The following SCN8A variants were observed in gnomAD, a reference collection of about 807,000 sequenced individuals.
SCN8A encodes sodium channel protein type 8 subunit alpha.
In SCN8A, 30 loss-of-function variants were observed where a neutral mutation model predicts 184.1. The ratio of observed to expected loss-of-function variants is 0.16; its 90% confidence interval spans 0.12 to 0.22. The LOEUF (loss-of-function observed/expected upper bound fraction) is 0.22, where lower values mean the gene tolerates loss of function less well. Among genes scored for constraint, SCN8A ranks in the 10% least tolerant of loss-of-function variants. The pLI is 1.00. For synonymous variants in SCN8A, 852 were observed against 907.0 expected (o/e 0.94, Z 1.09); for missense variants, 1,057 against 2,498.9 (o/e 0.42, Z 12.30).
rs534236747 is a variant in SCN8A at position 51,754,579 on chromosome 12, A to G, written c.2370+2986A>G. ...GGGTCTAATTCTCAGGCCCTATTCA[A>G]GTTTTGCCAGTGATCCCAGTGGTAT... On this transcript the variant is annotated intron_variant, in intron 14 of 26. Transcript: ENST00000627620. Among the ~76,000 whole-genome samples the G allele has an allele frequency of 8.5e-5, 13 of 152,284 alleles. No homozygotes were observed. The South Asian group carries it at 2.5e-3, about 29-fold the overall frequency.
chr12:51,784,282 G>A (rs1466042582), intron 21 of SCN8A, among the ~76,000 whole-genome samples: 1 of 152,188 alleles, frequency 6.6e-6, no homozygotes, highest in African/African-American at 2.4e-5. Context: ...GGCTGGGCAT[G>A]GTGTCTTATG....
rs151032231 is a variant in SCN8A, at chr12:51,705,278, A to G, written c.1135-139A>G. 93 of 683,280 alleles carry G rather than the reference A, an allele frequency of 1.4e-4. No individual in the cohort carries two copies. The East Asian group carries it at 2.3e-3, about 17-fold the overall frequency. 42.3% of individuals were successfully genotyped at this position (683,280 alleles called of 1,614,324 possible). The stretch of plus-strand genomic sequence containing the variant: ...CCATTGGGAGTACCAAGTGCCCACA[A>G]TAGGAAGGAGTACTGCACAAGGAAA... On this transcript the variant is annotated intron_variant, in intron 9 of 26. Coordinates refer to ENST00000627620, the MANE Select transcript of SCN8A (RefSeq NM_001330260.2).
intron 1 of SCN8A, among the ~76,000 whole-genome samples, chr12:51,620,994 C>T (rs1404084700): frequency 1.3e-5 from 2 of 151,860 alleles, no homozygotes; most frequent in African/African-American, 2.4e-5. Context: ...CTCAAAAAAA[C>T]GTGGGGCCTC....
At chr12:51,684,003 G>T (rs952206419) in intron 2 of SCN8A, among the ~76,000 whole-genome samples, 171 bp from the exon 3 acceptor site, 13 of 152,198 alleles carry the variant, frequency 8.5e-5, no homozygotes, top group Admixed American at 3.9e-4. Flanking sequence ...CAGGGCAGAG[G>T]GAGGGAGGTG....
chr12:51,606,825 GTATTTTATTT>G (rs56405324), intron 1 of SCN8A, among the ~76,000 whole-genome samples: 14,744 of 149,974 alleles, frequency 0.098, 877 homozygotes, highest in South Asian at 0.23. Flanking sequence ...ATATTCCTAA[GTATTTTATTT>G]TATTTTATTT....
chr12:51,722,045 C>A, intron 12 of SCN8A, 137 bp downstream of exon 12: 1 of 1,415,524 alleles, frequency 7.1e-7, no homozygotes, highest in East Asian at 2.3e-5. Flanking sequence ...TGTCTGGACC[C>A]CACTCCTGTT....
Position 51,701,157 on chromosome 12 carries a change from A to G in SCN8A, c.942A>G (p.Thr314=). 15 of 1,612,880 alleles carry G rather than the reference A, an allele frequency of 9.3e-6. No homozygotes were observed. Among genetic ancestry groups the G allele is most frequent in the Non-Finnish European group, 1.2e-5 (14 of 1,179,200 alleles). The part of the protein sequence containing the change: ...EYINNKTNFY[T]VPGMLEPLLC... ...AAACTTTTCTAGCAAATTTCTACAC[A>G]GTTCCTGGCATGCTGGAACCTTTAC... Residue 314 remains threonine (T), a synonymous_variant, in exon 8 of 27, where the codon ACA becomes ACG. Transcript: ENST00000627620.
At chr12:51,715,230 G>A (rs182294525) in intron 11 of SCN8A, among the ~76,000 whole-genome samples, 187 of 152,218 alleles carry the variant, frequency 1.2e-3, no homozygotes, top group Admixed American at 1.8e-3. Flanking sequence ...CTCATATTAT[G>A]TATTATCTTA....
chr12:51,706,772 A>ATG (rs1479852646), intron 11 of SCN8A, 57 bp downstream of exon 11: 1 of 1,191,652 alleles, frequency 8.4e-7, no homozygotes, highest in Admixed American at 2.9e-5. Flanking sequence ...TTAAGGTAAA[A>ATG]TGTGTATATG....
intron 1 of SCN8A, among the ~76,000 whole-genome samples, chr12:51,601,199 A>T (rs1414537649): frequency 1.3e-5 from 2 of 152,212 alleles, no homozygotes; most frequent in African/African-American, 4.8e-5. Context: ...AATGATGGCA[A>T]TCTGTTTTAT....
At chr12:51,664,485 G>C (rs942097984) in intron 2 of SCN8A, among the ~76,000 whole-genome samples, 9 of 152,028 alleles carry the variant, frequency 5.9e-5, no homozygotes, top group African/African-American at 2.2e-4. Flanking sequence ...TGGGATTACA[G>C]GTGTGAGCCA....
At chr12:51,750,658 A>G (rs1233006674) in intron 13 of SCN8A, among the ~76,000 whole-genome samples, 1 of 152,108 alleles carries the variant, frequency 6.6e-6, no homozygotes, top group Non-Finnish European at 1.5e-5. Flanking sequence ...ATAATAGCAA[A>G]CACTTCCATG....
At chr12:51,689,397 A>G in intron 6 of SCN8A, 1 of 297,116 alleles carries the variant, frequency 3.4e-6, no homozygotes, top group Non-Finnish European at 6.3e-6. Flanking sequence ...TTGTATATAA[A>G]TCATTTGCTT....
chr12:51,797,872 G>C (rs1199968900), intron 26 of SCN8A, among the ~76,000 whole-genome samples: 2 of 152,138 alleles, frequency 1.3e-5, no homozygotes, highest in African/African-American at 2.4e-5. Context: ...GTGTCTCCTA[G>C]TGACAGCATT....
chr12:51,803,915 A>C (rs537351846), intron 26 of SCN8A, among the ~76,000 whole-genome samples: 7 of 152,338 alleles, frequency 4.6e-5, no homozygotes, highest in African/African-American at 1.7e-4. Flanking sequence ...AAAAGCTAAG[A>C]TTCTTCAAAG....
At chr12:51,761,468 A>G (rs1942761402) in intron 14 of SCN8A, among the ~76,000 whole-genome samples, 1 of 144,952 alleles carries the variant, frequency 6.9e-6, no homozygotes, top group South Asian at 2.2e-4. Context: ...TTTATTTATT[A>G]TTATTTATTT....
At chr12:51,650,587 C>A (rs1471185683) in intron 1 of SCN8A, among the ~76,000 whole-genome samples, 1 of 146,582 alleles carries the variant, frequency 6.8e-6, no homozygotes, top group East Asian at 2.0e-4. Flanking sequence ...TTGTTGGGAG[C>A]AGGCCCCCCA....
intron 15 of SCN8A, among the ~76,000 whole-genome samples, chr12:51,764,584 G>A (rs984079044): frequency 4.6e-5 from 7 of 152,006 alleles, no homozygotes; most frequent in African/African-American, 1.5e-4. Context: ...GTAGTGAGCC[G>A]AGATCACGTT....
intron 1 of SCN8A, among the ~76,000 whole-genome samples, chr12:51,634,225 T>C (rs1395892707): frequency 1.3e-5 from 2 of 152,206 alleles, no homozygotes; most frequent in African/African-American, 4.8e-5. Context: ...TTATATAAAG[T>C]TTCGGAACAT....
Sources: allele counts gnomAD v4.1 joint callset (sites outside exome capture counted in the v4.1 genomes callset), GRCh38; gene constraint gnomAD v4.1.1; transcripts MANE v1.5; gene names NCBI Gene and HGNC (gene_info 2026-07-23, HGNC 2026-07-21).